ITFG2: variants seen among roughly 807,000 people sequenced by gnomAD.
ITFG2 encodes the protein KICSTOR complex protein ITFG2.
In ITFG2, 36 loss-of-function variants were observed where a neutral mutation model predicts 54.4. The ratio of observed to expected loss-of-function variants is 0.66; its 90% confidence interval spans 0.51 to 0.87. ITFG2 has a LOEUF of 0.87. ITFG2 is among the 40% of genes least tolerant of loss of function. The probability of loss-of-function intolerance (pLI) is 0.00; values close to 1 mark genes in which losing one functional copy is unlikely to be tolerated. For missense variants in ITFG2, 524 were observed against 576.7 expected (o/e 0.91, Z 0.94); for synonymous variants, 211 against 225.4 (o/e 0.94, Z 0.57).
At chr12:2,849,648 G>T in intron 2 of ITFG2, 1 of 1,121,630 alleles carries the variant, frequency 8.9e-7, no homozygotes, top group Non-Finnish European at 1.3e-6. Context: ...CAGGCGGCAG[G>T]GAATCCCTTC....
At chr12:2,832,278 T>G (rs957756111), upstream of ITFG2, among the ~76,000 whole-genome samples, 1 of 152,084 alleles carries the variant, frequency 6.6e-6, no homozygotes. Context: ...ATTGCTTTCA[T>G]GATAGAGCTC....
At position 2,824,252 on chromosome 12, in the gene ITFG2, G is replaced by A. The variant is rs771849755; in HGVS notation, c.*59G>A. The stretch of plus-strand genomic sequence containing the variant: ...CTGAACCCCCACCCTACCCCCTAAA[G>A]GTATCTGTGGTATTGGCAGGATAGG... On this transcript the variant is annotated 3_prime_UTR_variant, in exon 12 of 12. Coordinates refer to ENST00000228799, the MANE Select transcript of ITFG2 (RefSeq NM_018463.4). 1.6e-5 allele frequency: 24 copies of A among 1,495,500 alleles called. No individual in the cohort carries two copies. Among genetic ancestry groups the A allele is most frequent in the Admixed American group, 5.0e-5 (3 of 59,468 alleles). 92.6% of individuals were successfully genotyped at this position (1,495,500 alleles called of 1,614,324 possible).
intron 1 of ITFG2, 98 bp from the exon 2 acceptor site, chr12:2,817,125 G>A: frequency 1.4e-6 from 1 of 701,850 alleles, no homozygotes; most frequent in Non-Finnish European, 2.6e-6. Context: ...GATACAAGTT[G>A]AGGTCTTGTG....
rs1234315649 is a variant in ITFG2, at chr12:2,824,429, A to G, written c.*236A>G. The G allele has an allele frequency of 1.8e-6, 1 of 560,812 alleles. No individual in the cohort carries two copies. Among genetic ancestry groups the G allele is most frequent in the Non-Finnish European group, 3.3e-6 (1 of 301,778 alleles). 34.7% of individuals were successfully genotyped at this position (560,812 alleles called of 1,614,324 possible). ...CATTTCCTTATGGACCTCACCCATC[A>G]TGCCAGCAGGGTCATAGGACCCTGG... On this transcript the variant is annotated 3_prime_UTR_variant, in exon 12 of 12. Transcript: ENST00000228799.
upstream of ITFG2, among the ~76,000 whole-genome samples, chr12:2,832,542 A>G (rs901988357): frequency 1.3e-5 from 2 of 151,848 alleles, no homozygotes; most frequent in Non-Finnish European, 1.5e-5. Flanking sequence ...TGTACATCCT[A>G]TAATGCAGGA....
rs1162854423 is a variant in ITFG2 at position 2,812,726 on chromosome 12, T to TGG, written c.-33_-32dup. 6.4e-7 allele frequency: 1 copy of TGG among 1,568,328 alleles called. No homozygotes were observed. Among genetic ancestry groups the TGG allele is most frequent in the Non-Finnish European group, 8.8e-7 (1 of 1,140,338 alleles). The stretch of plus-strand genomic sequence containing the variant: ...CGACGGGGGTTCAGGGAATATTTAC[T>TGG]GGGCCTCTCCGCTCCCTCTGCTCTT... On this transcript the variant is annotated 5_prime_UTR_variant, in exon 1 of 12. Transcript: ENST00000228799.
downstream of ITFG2, chr12:2,825,221 T>C (rs2097960635): frequency 6.6e-6 from 1 of 152,284 alleles, no homozygotes; most frequent in Non-Finnish European, 1.5e-5. Flanking sequence ...TCAATTATAC[T>C]GACCCTAGTC....
chr12:2,854,315 A>G lies in ITFG2; in HGVS notation n.301-3697A>G, dbSNP rs540422917. Among the ~76,000 whole-genome samples, 84 of 152,282 alleles carry G rather than the reference A, an allele frequency of 5.5e-4. No individual in the cohort carries two copies. The East Asian group carries it at 7.0e-3, about 13-fold the overall frequency. ...TCTGGGATTACAGGCGTGAGCCACC[A>G]CGCCCTGCCATAACATCTAACTTTT... On this transcript the variant is annotated intron_variant and non_coding_transcript_variant, in intron 2 of 3. Coordinates refer to the ITFG2 transcript ENST00000537710.
At chr12:2,817,473 G>A (rs1467454189) in intron 2 of ITFG2, 155 bp downstream of exon 2, 8 of 604,856 alleles carry the variant, frequency 1.3e-5, no homozygotes, top group Non-Finnish European at 2.3e-5. Flanking sequence ...ATTCAGGGAG[G>A]GCAGCCCCCA....
chr12:2,828,057 G>GGAAGC (rs780783203), downstream of ITFG2: 6 of 1,609,026 alleles, frequency 3.7e-6, no homozygotes, highest in South Asian at 6.6e-5. Flanking sequence ...CCTGTGGTTG[G>GGAAGC]GAAGCAAGGG....
intron 1 of ITFG2, among the ~76,000 whole-genome samples, chr12:2,813,165 G>A (rs544795848): frequency 6.6e-6 from 1 of 152,258 alleles, no homozygotes; most frequent in East Asian, 1.9e-4. Context: ...GCCTCCCAAG[G>A]GGCTGGGATT....
At chr12:2,844,958 T>C (rs2098050099) in intron 2 of ITFG2, among the ~76,000 whole-genome samples, 1 of 152,214 alleles carries the variant, frequency 6.6e-6, no homozygotes, top group African/African-American at 2.4e-5. Context: ...GTGGAGGCGT[T>C]CGTGAGGCTC....
chr12:2,859,399 G>C lies in ITFG2; in HGVS notation n.621-135G>C, dbSNP rs2098103858. The C allele has an allele frequency of 6.2e-7, 1 of 1,614,032 alleles. No homozygotes were observed. On this transcript the variant is annotated intron_variant and non_coding_transcript_variant, in intron 3 of 3. Transcript: ENST00000537710. ...CCACTGTAGGACTTCTTGGGTCTTG[G>C]GGTGGGAGATTGGGACGAATCCTCC...
chr12:2,834,515 C>T (rs2098018543), upstream of ITFG2: 6 of 1,337,410 alleles, frequency 4.5e-6, no homozygotes, highest in Non-Finnish European at 5.9e-6. Flanking sequence ...GACCTCTCCC[C>T]ATCTCAGCAA....
At chr12:2,829,595 A>G (rs1304514187), downstream of ITFG2, among the ~76,000 whole-genome samples, 1 of 150,846 alleles carries the variant, frequency 6.6e-6, no homozygotes, top group South Asian at 2.1e-4. Context: ...CCAACGTGGT[A>G]GTCTAAAAAT....
At chr12:2,850,836 A>G (rs997067978) in intron 2 of ITFG2, among the ~76,000 whole-genome samples, 2 of 150,844 alleles carry the variant, frequency 1.3e-5, no homozygotes, top group Admixed American at 6.6e-5. Context: ...ACTCCTGGCT[A>G]ATTTTTTATA....
chr12:2,820,300 C>T, intron 5 of ITFG2, 75 bp downstream of exon 5: 1 of 1,474,446 alleles, frequency 6.8e-7, no homozygotes, highest in African/African-American at 1.4e-5. Flanking sequence ...AGTGGGAGAG[C>T]AGTCATGGGA....
downstream of ITFG2, chr12:2,827,329 C>A: frequency 6.3e-7 from 1 of 1,596,216 alleles, no homozygotes; most frequent in South Asian, 1.1e-5. The surrounding 1 kb of genome is among the most constrained non-coding windows in gnomAD (Gnocchi z 4.0). Flanking sequence ...CATGCCAGGT[C>A]ACCTCAGCCC....
upstream of ITFG2, chr12:2,835,156 C>CGTGTGTGTGTGTGTGTGTGT (rs1404966974): frequency 3.0e-5 from 39 of 1,299,584 alleles, no homozygotes; most frequent in African/African-American, 4.2e-4. Flanking sequence ...GTGGATGGGG[C>CGTGTGTGTGTGTGTGTGTGT]GTATGTGTGT....
Sources: allele counts gnomAD v4.1 joint callset (sites outside exome capture counted in the v4.1 genomes callset), GRCh38; gene constraint gnomAD v4.1.1; non-coding constraint Gnocchi (gnomAD v3.1); transcripts MANE v1.5; gene names NCBI Gene and HGNC (gene_info 2026-07-23, HGNC 2026-07-21).